ASAP1: variants seen among roughly 807,000 people sequenced by gnomAD.
ASAP1 encodes ArfGAP with SH3 domain, ankyrin repeat and PH domain 1.
ASAP1 carries 43 observed loss-of-function variants against 145.2 expected under a neutral mutation model. The ratio of observed to expected loss-of-function variants is 0.30; its 90% CI spans 0.23 to 0.38. ASAP1 has a LOEUF of 0.38. Ranked by LOEUF, ASAP1 falls within the 10% of genes least tolerant of loss-of-function variation. The probability of loss-of-function intolerance (pLI) is 1.00; values close to 1 mark genes in which losing one functional copy is unlikely to be tolerated. For missense variants in ASAP1, 1,018 were observed against 1,355.3 expected, an observed-to-expected ratio of 0.75 and a Z score of 3.91; for synonymous variants, 546 against 515.5, an observed-to-expected ratio of 1.06 and a Z score of -0.80.
At chr8:130,184,568 A>T (rs752352224) in intron 7 of ASAP1, among the ~76,000 whole-genome samples, 1 of 152,240 alleles carries the variant, frequency 6.6e-6, no homozygotes, top group Non-Finnish European at 1.5e-5. Flanking sequence ...GACAATACAG[A>T]TAAGTGAGAA....
chr8:130,442,010 T>C (rs1241290753), intron 1 of ASAP1, among the ~76,000 whole-genome samples: 3 of 152,194 alleles, frequency 2.0e-5, no homozygotes, highest in Non-Finnish European at 4.4e-5. Context: ...CCCCGTATAA[T>C]AAGCCACTCA....
chr8:130,208,943 C>CT (rs879580318), intron 5 of ASAP1, among the ~76,000 whole-genome samples: 3 of 151,950 alleles, frequency 2.0e-5, no homozygotes, highest in Admixed American at 2.0e-4. Flanking sequence ...AAAAGAGGTA[C>CT]AGACAAAAGG....
Position 130,254,305 on chromosome 8 carries a change from G to C in ASAP1, c.187-17311C>G, listed in dbSNP as rs150452801. Among the ~76,000 whole-genome samples the C allele has an allele frequency of 7.8e-3, 1,195 of 152,256 alleles. 16 individuals carry two copies. Among genetic ancestry groups the C allele is most frequent in the African/African-American group, 0.028 (1,147 of 41,540 alleles). On this transcript the variant is annotated intron_variant, in intron 3 of 29. Transcript: ENST00000518721. ...AATTCAGGAAAGAGCATTGTAAAAA[G>C]TGCATTGTTAAAATTCACGGCACTT...
intron 2 of ASAP1, among the ~76,000 whole-genome samples, chr8:130,377,182 C>G (rs908192020): frequency 6.6e-6 from 1 of 151,790 alleles, no homozygotes; most frequent in Non-Finnish European, 1.5e-5. Context: ...TGAGGATGCA[C>G]AGGCATAGGA....
intron 7 of ASAP1, among the ~76,000 whole-genome samples, chr8:130,183,767 T>C (rs1814529690): frequency 6.6e-6 from 1 of 152,232 alleles, no homozygotes; most frequent in Non-Finnish European, 1.5e-5. Flanking sequence ...CTTTGCCTCC[T>C]TTAGAGCTGT....
chr8:130,263,064 T>C (rs1197100832), intron 3 of ASAP1, among the ~76,000 whole-genome samples: 2 of 152,318 alleles, frequency 1.3e-5, no homozygotes, highest in South Asian at 4.1e-4. Context: ...TTTTTACTAA[T>C]ACGAATATGA....
intron 2 of ASAP1, among the ~76,000 whole-genome samples, chr8:130,399,847 G>A (rs191103774): frequency 5.2e-5 from 6 of 114,694 alleles, no homozygotes; most frequent in Admixed American, 4.7e-4. Flanking sequence ...ACAGAGTTTC[G>A]CTCTTGTTGC....
intron 4 of ASAP1, among the ~76,000 whole-genome samples, chr8:130,234,862 T>C (rs755781958): frequency 5.9e-5 from 9 of 152,164 alleles, no homozygotes; most frequent in African/African-American, 2.2e-4. Context: ...AAGCTCTTTA[T>C]AAAATCAGGC....
At chr8:130,366,091 T>C (rs1049836639) in intron 2 of ASAP1, among the ~76,000 whole-genome samples, 1 of 152,214 alleles carries the variant, frequency 6.6e-6, no homozygotes, top group Non-Finnish European at 1.5e-5. Context: ...CTGAGCCAAA[T>C]GCCAAGTATC....
intron 3 of ASAP1, among the ~76,000 whole-genome samples, chr8:130,268,396 A>G (rs139123188): frequency 0.11 from 16,010 of 151,512 alleles, 970 homozygotes; most frequent in South Asian, 0.27. Flanking sequence ...CTGAGGTGGG[A>G]GAATCACTTG....
chr8:130,125,654 G>A (rs1447941594), intron 17 of ASAP1, among the ~76,000 whole-genome samples: 1 of 152,026 alleles, frequency 6.6e-6, no homozygotes, highest in African/African-American at 2.4e-5. Flanking sequence ...CTATTTCCAC[G>A]AGTTATATGA....
intron 25 of ASAP1, among the ~76,000 whole-genome samples, chr8:130,082,170 C>T (rs1703772632): frequency 6.6e-6 from 1 of 152,096 alleles, no homozygotes; most frequent in South Asian, 2.1e-4. Context: ...GATATTGATA[C>T]AAGAAGAAAT....
In ASAP1 at chr8:130,421,919, C is replaced by T. The variant is rs1725578177; in HGVS notation, c.-27-19949G>A. 2.6e-5 allele frequency among the ~76,000 whole-genome samples: 4 copies of T among 152,136 alleles called. No individual in the cohort carries two copies. The South Asian group carries it at 8.3e-4, about 32-fold the overall frequency. On this transcript the variant is annotated intron_variant, in intron 1 of 29. Coordinates refer to ENST00000518721, the MANE Select transcript of ASAP1 (RefSeq NM_018482.4). ...CCTGAATACCTACTATGTGAGAAAT[C>T]CTGTGAGTTCCAAATAAACATAATA...
rs765339752 is a variant in ASAP1 at position 130,079,966 on chromosome 8, C to T, written c.2578G>A (p.Asp860Asn). The T allele has an allele frequency of 6.2e-6, 10 of 1,613,876 alleles. No homozygotes were observed. Among genetic ancestry groups the T allele is most frequent in the African/African-American group, 4.0e-5 (3 of 74,916 alleles). The change falls in exon 26 of 30, where the codon GAT becomes AAT. Residue 860 changes from aspartate (D) to asparagine (N), a missense_variant. By Grantham distance (23) the Asp-to-Asn change is conservative. Around this residue, in one of 9 missense-constraint regions of ASAP1, gnomAD observed 353 missense variants for 375.4 expected, o/e 0.94. Transcript: ENST00000518721. ...PNKGAVPWGN[D>N]GGPSSSSKTT... ...TTACTTGAAGAGGATGGACCCCCAT[C>T]GTTACCTACAAGGAAAACCGAAGGT...
At chr8:130,171,433 G>A (rs895739969) in intron 9 of ASAP1, among the ~76,000 whole-genome samples, 3 of 151,370 alleles carry the variant, frequency 2.0e-5, no homozygotes, top group African/African-American at 7.3e-5. Flanking sequence ...AGGGCGGCAG[G>A]AGAGAGAATA....
intron 3 of ASAP1, among the ~76,000 whole-genome samples, chr8:130,282,059 A>G (rs1821283893): frequency 7.0e-6 from 1 of 142,712 alleles, no homozygotes; most frequent in African/African-American, 2.6e-5. Flanking sequence ...ACAGTGCAAG[A>G]CTCTGCCTCG....
chr8:130,134,235 T>C (rs1044908260), intron 15 of ASAP1, 61 bp downstream of exon 15: 2 of 1,325,054 alleles, frequency 1.5e-6, no homozygotes, highest in African/African-American at 1.5e-5. Context: ...TGATGTGTAT[T>C]GTAAACAGAG....
intron 3 of ASAP1, among the ~76,000 whole-genome samples, chr8:130,327,086 A>G (rs1824383306): frequency 6.6e-6 from 1 of 152,226 alleles, no homozygotes; most frequent in South Asian, 2.1e-4. Flanking sequence ...ACATGCCAAG[A>G]GCAAGGGAAT....
chr8:130,388,300 G>A (rs1035382080), intron 2 of ASAP1, among the ~76,000 whole-genome samples: 6 of 152,192 alleles, frequency 3.9e-5, no homozygotes, highest in East Asian at 3.9e-4. Flanking sequence ...TGTAGGCCAC[G>A]GTAAGAAATC....
Sources: gnomAD v4.1 joint callset for allele counts (sites outside exome capture counted in the v4.1 genomes callset) on GRCh38, gnomAD v4.1.1 for gene constraint, gnomAD v4.1.1 regional missense constraint, MANE v1.5 for transcripts, NCBI Gene and HGNC (gene_info 2026-07-23, HGNC 2026-07-21) for gene names.